TRHDE: variants seen among roughly 807,000 people sequenced by gnomAD.
The protein encoded by TRHDE is thyrotropin-releasing hormone-degrading ectoenzyme.
A neutral mutation model predicts 125.7 loss-of-function variants in TRHDE; 72 were observed. That is an observed-to-expected ratio of 0.57 (90% confidence interval 0.47 to 0.70). The LOEUF (loss-of-function observed/expected upper bound fraction) is 0.70, where lower values mean the gene tolerates loss of function less well. Ranked by LOEUF, TRHDE falls within the 30% of genes least tolerant of loss-of-function variation. The pLI, the probability that TRHDE is intolerant of heterozygous loss-of-function variation, is 0.00. For missense variants in TRHDE, 1,110 were observed against 1,327.1 expected, an observed-to-expected ratio of 0.84 and a Z score of 2.54; for synonymous variants, 509 against 509.1, an observed-to-expected ratio of 1.00 and a Z score of 0.00.
At chr12:72,631,580 A>G (rs1056700970) in intron 15 of TRHDE, among the ~76,000 whole-genome samples, 9 of 151,914 alleles carry the variant, frequency 5.9e-5, no homozygotes, top group Non-Finnish European at 1.0e-4. Flanking sequence ...AAATCATAGA[A>G]CATCTCGGCT....
intron 14 of TRHDE, 92 bp from the exon 15 acceptor site, chr12:72,621,552 C>G: frequency 1.0e-6 from 1 of 976,596 alleles, no homozygotes; most frequent in Non-Finnish European, 1.5e-6. Context: ...ATCTAAAAAC[C>G]ATTTTTATGT....
At chr12:72,191,254 C>T (rs1023866779) in intron 2 of TRHDE, among the ~76,000 whole-genome samples, 8 of 152,086 alleles carry the variant, frequency 5.3e-5, no homozygotes, top group Non-Finnish European at 1.2e-4. Context: ...GAACTGGGAG[C>T]TGTTGCAGTG....
At chr12:72,629,278 G>A (rs1271708590) in intron 15 of TRHDE, among the ~76,000 whole-genome samples, 3 of 151,682 alleles carry the variant, frequency 2.0e-5, no homozygotes, top group African/African-American at 4.8e-5. Flanking sequence ...GAGGCACATA[G>A]TCAATAGTTA....
intron 1 of TRHDE, among the ~76,000 whole-genome samples, chr12:72,281,110 T>C (rs1048715473): frequency 6.6e-6 from 1 of 152,210 alleles, no homozygotes; most frequent in African/African-American, 2.4e-5. Context: ...AACACGATTA[T>C]TCACATATGC....
intron 3 of TRHDE, among the ~76,000 whole-genome samples, chr12:72,456,778 T>C (rs190144121): frequency 6.6e-6 from 1 of 152,280 alleles, no homozygotes; most frequent in African/African-American, 2.4e-5. Context: ...GAGTATAACT[T>C]AGTGATTCAC....
intron 2 of TRHDE, among the ~76,000 whole-genome samples, chr12:72,106,874 C>T (rs971225212): frequency 7.9e-5 from 12 of 151,976 alleles, no homozygotes; most frequent in African/African-American, 2.9e-4. Flanking sequence ...CAACCATATC[C>T]AAAATACTTT....
At chr12:72,173,119 T>G (rs1356930651) in intron 2 of TRHDE, among the ~76,000 whole-genome samples, 1 of 152,212 alleles carries the variant, frequency 6.6e-6, no homozygotes, top group Non-Finnish European at 1.5e-5. Context: ...AACTACATCT[T>G]TCATTGTTTC....
intron 12 of TRHDE, among the ~76,000 whole-genome samples, chr12:72,596,430 C>T (rs1284822898): frequency 1.3e-5 from 2 of 152,090 alleles, no homozygotes; most frequent in African/African-American, 4.8e-5. Context: ...ATATATACAA[C>T]AAAAATCTCA....
At chr12:72,379,237 T>C (rs1158762223) in intron 3 of TRHDE, among the ~76,000 whole-genome samples, 1 of 152,244 alleles carries the variant, frequency 6.6e-6, no homozygotes. Flanking sequence ...ATAGTTGATA[T>C]TGTTATCAAT....
chr12:72,355,356 C>T (rs149140764), intron 2 of TRHDE, among the ~76,000 whole-genome samples: 228 of 151,534 alleles, frequency 1.5e-3, no homozygotes, highest in African/African-American at 5.4e-3. Flanking sequence ...TTAGACTTAC[C>T]ATGCATACCT....
intron 5 of TRHDE, among the ~76,000 whole-genome samples, chr12:72,493,807 T>G (rs1047813066): frequency 6.6e-6 from 1 of 151,994 alleles, no homozygotes; most frequent in African/African-American, 2.4e-5. Context: ...CAGAATGCCC[T>G]TTTCTGCCAT....
At chr12:72,166,801 G>A (rs1041364435) in intron 2 of TRHDE, among the ~76,000 whole-genome samples, 3 of 152,100 alleles carry the variant, frequency 2.0e-5, no homozygotes, top group Non-Finnish European at 4.4e-5. Flanking sequence ...GCTCAGGGGG[G>A]TTAATGAAAG....
chr12:72,317,201 G>T (rs1164475270), intron 2 of TRHDE, among the ~76,000 whole-genome samples: 1 of 152,068 alleles, frequency 6.6e-6, no homozygotes, highest in African/African-American at 2.4e-5. Flanking sequence ...TGCTTCATTT[G>T]ACTTAAAATT....
At chr12:72,632,676 G>C (rs181655655) in intron 15 of TRHDE, among the ~76,000 whole-genome samples, 1 of 150,630 alleles carries the variant, frequency 6.6e-6, no homozygotes, top group African/African-American at 2.4e-5. Flanking sequence ...AAATCATAAG[G>C]GTTCTTAAAT....
At chr12:72,614,412 G>A (rs903025276) in intron 12 of TRHDE, among the ~76,000 whole-genome samples, 2 of 145,146 alleles carry the variant, frequency 1.4e-5, no homozygotes, top group Admixed American at 1.4e-4. Flanking sequence ...TTTATTCTAT[G>A]GTACATCAAG....
chr12:72,370,938 T>A (rs977468322), intron 2 of TRHDE, among the ~76,000 whole-genome samples: 5 of 152,108 alleles, frequency 3.3e-5, no homozygotes, highest in Admixed American at 2.0e-4. Flanking sequence ...AGATGGGGTT[T>A]CGCCATGTTG....
chr12:72,198,800 T>C (rs1356062702), intron 2 of TRHDE, among the ~76,000 whole-genome samples: 1 of 152,148 alleles, frequency 6.6e-6, no homozygotes, highest in Non-Finnish European at 1.5e-5. Flanking sequence ...AGATACAACC[T>C]GAGACTGGGC....
intron 1 of TRHDE, among the ~76,000 whole-genome samples, chr12:72,089,720 C>A (rs1163279202): frequency 1.3e-5 from 2 of 152,206 alleles, no homozygotes; most frequent in Non-Finnish European, 2.9e-5. Flanking sequence ...CTTAACTCTG[C>A]TTTACTTTTT....
chr12:72,417,218 G>A (rs895504650), intron 3 of TRHDE, among the ~76,000 whole-genome samples: 3 of 151,884 alleles, frequency 2.0e-5, no homozygotes, highest in Admixed American at 6.6e-5. Context: ...TTGATTTTGG[G>A]TCCTGGACTA....
Sources: gnomAD v4.1 joint callset for allele counts (sites outside exome capture counted in the v4.1 genomes callset) on GRCh38, gnomAD v4.1.1 for gene constraint, MANE v1.5 for transcripts, NCBI Gene and HGNC (gene_info 2026-07-23, HGNC 2026-07-21) for gene names.